PRORP: variants seen among roughly 807,000 people sequenced by gnomAD.
PRORP encodes the protein mitochondrial ribonuclease P catalytic subunit.
A neutral mutation model predicts 59.4 loss-of-function variants in PRORP; 51 were observed. The observed-to-expected ratio is 0.86, with a 90% CI of 0.69 to 1.08. PRORP has a LOEUF of 1.08. Ranked by LOEUF, PRORP falls within the 50% of genes least tolerant of loss-of-function variation. PRORP has a pLI of 0.00. For synonymous variants in PRORP, 231 were observed against 245.6 expected, an observed-to-expected ratio of 0.94 and a Z score of 0.55; for missense variants, 646 against 690.3, an observed-to-expected ratio of 0.94 and a Z score of 0.72.
At chr14:35,192,918 C>T (rs1029608297) in intron 5 of PRORP, among the ~76,000 whole-genome samples, 4 of 151,526 alleles carry the variant, frequency 2.6e-5, no homozygotes, top group South Asian at 2.1e-4. Flanking sequence ...CGCTTGAACC[C>T]GGGAGCCAGA....
At chr14:35,150,417 G>A (rs890168093) in intron 4 of PRORP, among the ~76,000 whole-genome samples, 1 of 152,088 alleles carries the variant, frequency 6.6e-6, no homozygotes, top group Non-Finnish European at 1.5e-5. Context: ...ACGGTTTCTG[G>A]TGCCCTAAAA....
chr14:35,262,846 C>A, intron 5 of PRORP: 1 of 1,511,876 alleles, frequency 6.6e-7, no homozygotes, highest in Non-Finnish European at 9.2e-7. Flanking sequence ...CGGATGAGAA[C>A]AGGTGTTGCT....
intron 4 of PRORP, among the ~76,000 whole-genome samples, chr14:35,146,257 A>G (rs888519896): frequency 2.0e-5 from 3 of 152,234 alleles, no homozygotes; most frequent in Admixed American, 2.0e-4. Flanking sequence ...AAAGGCAGGC[A>G]AATTGCCCGT....
At chr14:35,263,435 C>A (rs1246303291) in intron 5 of PRORP, among the ~76,000 whole-genome samples, 1 of 152,098 alleles carries the variant, frequency 6.6e-6, no homozygotes, top group Non-Finnish European at 1.5e-5. Context: ...GCCTGTAATC[C>A]CAGCACTTTG....
chr14:35,261,493 G>A (rs917455143), intron 5 of PRORP, among the ~76,000 whole-genome samples: 17 of 152,182 alleles, frequency 1.1e-4, no homozygotes, highest in African/African-American at 3.6e-4. Flanking sequence ...CACTTTGGGA[G>A]GCCAAGGCGG....
chr14:35,207,166 C>T (rs558379308), intron 5 of PRORP, among the ~76,000 whole-genome samples: 102 of 152,096 alleles, frequency 6.7e-4, no homozygotes, highest in Non-Finnish European at 1.1e-3. Context: ...ATTTACCTGG[C>T]GATGCCGGAG....
chr14:35,180,526 C>CTGTGTG (rs3058430), intron 4 of PRORP, 144 bp from the exon 5 acceptor site: 20,390 of 537,590 alleles, frequency 0.038, 383 homozygotes, highest in African/African-American at 0.11. Flanking sequence ...TGTAGAGTAT[C>CTGTGTG]TGTGTGTGTG....
At chr14:35,177,442 A>G (rs2048482252) in intron 4 of PRORP, among the ~76,000 whole-genome samples, 1 of 152,060 alleles carries the variant, frequency 6.6e-6, no homozygotes, top group African/African-American at 2.4e-5. Flanking sequence ...GTCTATTCAG[A>G]GATTCAACTT....
chr14:35,151,330 G>A (rs2047739611), intron 4 of PRORP, among the ~76,000 whole-genome samples: 1 of 151,926 alleles, frequency 6.6e-6, no homozygotes, highest in African/African-American at 2.4e-5. Flanking sequence ...TAATACTGGT[G>A]CTGAAGACAG....
At chr14:35,187,327 T>C (rs2048765279) in intron 5 of PRORP, among the ~76,000 whole-genome samples, 1 of 152,166 alleles carries the variant, frequency 6.6e-6, no homozygotes, top group Non-Finnish European at 1.5e-5. Context: ...TTGTTATTTG[T>C]CTTTTTGATT....
intron 5 of PRORP, among the ~76,000 whole-genome samples, chr14:35,192,585 C>T (rs540577482): frequency 6.6e-6 from 1 of 152,228 alleles, no homozygotes; most frequent in South Asian, 2.1e-4. Context: ...ACCTTTGTAA[C>T]TTCCATTTCA....
intron 7 of PRORP, among the ~76,000 whole-genome samples, chr14:35,271,319 G>A (rs1183051179): frequency 1.3e-5 from 2 of 151,094 alleles, no homozygotes; most frequent in South Asian, 2.1e-4. Flanking sequence ...CCACCACGCC[G>A]AGCTAATTTT....
At chr14:35,125,595 A>G (rs914205906) in intron 2 of PRORP, among the ~76,000 whole-genome samples, 2 of 151,868 alleles carry the variant, frequency 1.3e-5, no homozygotes, top group Admixed American at 6.6e-5. Context: ...TTTTTCCCCT[A>G]TATCATGTTT....
intron 4 of PRORP, among the ~76,000 whole-genome samples, chr14:35,152,931 C>T (rs1293327144): frequency 1.3e-5 from 2 of 150,602 alleles, no homozygotes; most frequent in African/African-American, 4.9e-5. Flanking sequence ...AGAGGGGCTC[C>T]TCGCATCCCA....
chr14:35,186,149 A>ATTT lies in PRORP; in HGVS notation c.1275+5388_1275+5390dup, dbSNP rs34848889. The stretch of plus-strand genomic sequence containing the variant: ...ATACACATGCCACCAAGTCCAGCTA[A>ATTT]TTTTTTTTTTTTTTTTTTGTGGAGA... On this transcript the variant is annotated intron_variant, in intron 5 of 7. Coordinates refer to ENST00000534898, the MANE Select transcript of PRORP (RefSeq NM_014672.4). Among the ~76,000 whole-genome samples the ATTT allele has an allele frequency of 1.9e-3, 244 of 131,394 alleles. 6 individuals are homozygous for ATTT. The highest frequency in any genetic ancestry group is 5.8e-3 in the African/African-American group (202 of 34,758). The allele number at this position is 131,394 out of a possible 152,430, so 86.2% of individuals were successfully genotyped here. A position where few individuals can be genotyped will look rare whatever the true frequency, so the allele number is the denominator to read the frequency against.
intron 4 of PRORP, among the ~76,000 whole-genome samples, chr14:35,135,282 A>G (rs1404540955): frequency 6.6e-6 from 1 of 152,166 alleles, no homozygotes; most frequent in East Asian, 1.9e-4. Context: ...GTTCTTTTGA[A>G]GGTGCTTTTT....
intron 5 of PRORP, among the ~76,000 whole-genome samples, chr14:35,236,887 T>C (rs1236748258): frequency 4.6e-5 from 7 of 152,036 alleles, no homozygotes; most frequent in African/African-American, 1.7e-4. Context: ...CAATTTTACC[T>C]CCTAATTATT....
chr14:35,231,661 C>T (rs1400804955), intron 5 of PRORP, among the ~76,000 whole-genome samples: 1 of 152,066 alleles, frequency 6.6e-6, no homozygotes, highest in Non-Finnish European at 1.5e-5. Flanking sequence ...CAGATAGAGG[C>T]GCCAACTCTC....
intron 4 of PRORP, among the ~76,000 whole-genome samples, chr14:35,148,829 C>T (rs1253489326): frequency 1.3e-5 from 2 of 152,038 alleles, no homozygotes; most frequent in African/African-American, 4.8e-5. Context: ...TGCTGCTTCA[C>T]CTTGCACTTT....
Sources: gnomAD v4.1 joint callset for allele counts (sites outside exome capture counted in the v4.1 genomes callset) on GRCh38, gnomAD v4.1.1 for gene constraint, MANE v1.5 for transcripts, NCBI Gene and HGNC (gene_info 2026-07-23, HGNC 2026-07-21) for gene names.